LIMD1: variants seen among roughly 807,000 people sequenced by gnomAD.
LIMD1 encodes the protein LIM domain-containing protein 1.
In LIMD1, 23 loss-of-function variants were observed where a neutral mutation model predicts 58.4. That is an observed-to-expected ratio of 0.39 (90% CI 0.28 to 0.56). LIMD1 has a LOEUF of 0.56. Ranked by LOEUF, LIMD1 falls within the 20% of genes least tolerant of loss-of-function variation. The probability of loss-of-function intolerance (pLI) is 0.57; values close to 1 mark genes in which losing one functional copy is unlikely to be tolerated. For missense variants in LIMD1, 838 were observed against 855.5 expected (o/e 0.98, Z 0.25); for synonymous variants, 334 against 345.5 (o/e 0.97, Z 0.37).
At chr3:45,675,661 G>T (rs1323056778) in intron 7 of LIMD1, among the ~76,000 whole-genome samples, 4 of 151,826 alleles carry the variant, frequency 2.6e-5, no homozygotes, top group African/African-American at 9.6e-5. Flanking sequence ...AAGTTTTCTG[G>T]TAGTCACAAT....
In LIMD1 at chr3:45,681,872, A is replaced by T. The variant is rs1338051662; in HGVS notation, c.*4813A>T. On this transcript the variant is annotated 3_prime_UTR_variant, in exon 8 of 8. Coordinates refer to ENST00000273317, the MANE Select transcript of LIMD1 (RefSeq NM_014240.3). ...AGACTTGTAAGGTCCTGATGCAGTG[A>T]CTTGTAAGGTCACTTTGTCTCTCTT... is the stretch of plus-strand genomic sequence containing the variant. 1 of 152,186 alleles carries T rather than the reference A, an allele frequency of 6.6e-6. No individual in the cohort carries two copies. Among genetic ancestry groups the T allele is most frequent in the Non-Finnish European group, 1.5e-5 (1 of 68,030 alleles). The allele number at this position is 152,186 out of a possible 1,614,324, so 9.4% of individuals were successfully genotyped here.
Position 45,595,628 on chromosome 3 carries a change from G to A in LIMD1, c.749G>A (p.Gly250Asp), listed in dbSNP as rs751728725. The A allele has an allele frequency of 1.9e-6, 3 of 1,613,456 alleles. No individual in the cohort carries two copies. Among genetic ancestry groups the A allele is most frequent in the Non-Finnish European group, 2.5e-6 (3 of 1,179,836 alleles). Reference sequence around the variant, plus strand: ...GGTAGCCTCGGTGGTCAGAATAGTGGCATTGGTGGCCGCAGCAGCGAGAAG... The same window carrying A: ...GGTAGCCTCGGTGGTCAGAATAGTGACATTGGTGGCCGCAGCAGCGAGAAG... ...SEGSLGGQNS[G>D]IGGRSSEKPT... The change falls in exon 1 of 8, where the codon GGC becomes GAC. Residue 250 changes from glycine to aspartate, a missense_variant. Physicochemically the swap from Gly to Asp is moderately conservative, Grantham distance 94 (BLOSUM62 -1). Around this residue, in one of 3 missense-constraint regions of LIMD1, gnomAD observed 659 missense variants for 639.8 expected, o/e 1.03. Transcript: ENST00000273317.
rs1701319007 is a variant in LIMD1 at position 45,594,803 on chromosome 3, A to ACACACACACACACACACACAC, written c.-76_-56dup. 4.4e-5 allele frequency: 11 copies of ACACACACACACACACACACAC among 251,032 alleles called. No individual in the cohort carries two copies. Among genetic ancestry groups the ACACACACACACACACACACAC allele is most frequent in the South Asian group, 1.1e-4 (2 of 17,496 alleles). The allele number at this position is 251,032 out of a possible 1,614,324, so 15.6% of individuals were successfully genotyped here. A position where few individuals can be genotyped will look rare whatever the true frequency, so the allele number is the denominator to read the frequency against. On this transcript the variant is annotated 5_prime_UTR_variant, in exon 1 of 8. Coordinates refer to ENST00000273317, the MANE Select transcript of LIMD1 (RefSeq NM_014240.3). ...AACACACACACACACACACACACACACACACACACACACACACACACACAC... is the reference window on the plus strand; with the variant it reads ...AACACACACACACACACACACACACACACACACACACACACACACACCACACACACACACACACACACACAC...
chr3:45,653,907 C>CAAAAAAAAAAAAAAAAAAAA (rs35185922), intron 2 of LIMD1, among the ~76,000 whole-genome samples: 14 of 74,736 alleles, frequency 1.9e-4, no homozygotes, highest in East Asian at 4.1e-4. Context: ...AAGACTGTCT[C>CAAAAAAAAAAAAAAAAAAAA]AAAAAAAAAA....
chr3:45,624,101 T>C (rs982972095), intron 1 of LIMD1, among the ~76,000 whole-genome samples: 2 of 152,192 alleles, frequency 1.3e-5, no homozygotes, highest in African/African-American at 2.4e-5. Context: ...GCAGCAACTT[T>C]TGGCCAAGAA....
At chr3:45,633,310 T>G (rs1268095310) in intron 1 of LIMD1, among the ~76,000 whole-genome samples, 1 of 152,218 alleles carries the variant, frequency 6.6e-6, no homozygotes, top group Non-Finnish European at 1.5e-5. Flanking sequence ...GTTGGAAATA[T>G]TCTATATCTT....
chr3:45,600,439 T>C (rs1207086238), intron 1 of LIMD1, among the ~76,000 whole-genome samples: 7 of 152,178 alleles, frequency 4.6e-5, no homozygotes, highest in African/African-American at 1.7e-4. Flanking sequence ...TTTCCATGGC[T>C]GGTCTTTGTG....
intron 1 of LIMD1, among the ~76,000 whole-genome samples, chr3:45,614,498 G>T (rs1303196232): frequency 1.3e-5 from 2 of 151,860 alleles, no homozygotes; most frequent in Non-Finnish European, 2.9e-5. Context: ...TGAGGCAGGG[G>T]GATTGCTTGA....
chr3:45,599,223 A>G (rs1701386354), intron 1 of LIMD1, among the ~76,000 whole-genome samples: 1 of 152,110 alleles, frequency 6.6e-6, no homozygotes, highest in Non-Finnish European at 1.5e-5. Flanking sequence ...GGTGTTTAAT[A>G]TTAATACATT....
At position 45,677,381 on chromosome 3, in the gene LIMD1, T is replaced by C. The variant is rs1029187702; in HGVS notation, c.*322T>C. On this transcript the variant is annotated 3_prime_UTR_variant, in exon 8 of 8. Transcript: ENST00000273317. ...TCCTGTCCCCTCTGGGAACATTTCA[T>C]GCTTCAGAGGGAGAGGTTTTTATTG... The C allele has an allele frequency of 1.7e-5, 4 of 239,094 alleles. No homozygotes were observed. The highest frequency in any genetic ancestry group is 9.8e-5 in the East Asian group (1 of 10,220). 14.8% of individuals were successfully genotyped at this position (239,094 alleles called of 1,614,324 possible). A position where few individuals can be genotyped will look rare whatever the true frequency, so the allele number is the denominator to read the frequency against.
At chr3:45,646,599 TTTAA>T (rs1701910200) in intron 2 of LIMD1, among the ~76,000 whole-genome samples, 2 of 152,242 alleles carry the variant, frequency 1.3e-5, no homozygotes, top group Admixed American at 6.5e-5. Flanking sequence ...TTTATTTCAT[TTTAA>T]TTAATTAAAG....
chr3:45,629,412 C>CAAAAAAA (rs57306025), intron 1 of LIMD1, among the ~76,000 whole-genome samples: 1 of 97,556 alleles, frequency 1.0e-5, no homozygotes, highest in African/African-American at 3.6e-5. Context: ...ACTCTTGTCT[C>CAAAAAAA]AAAAAAAAAA....
At chr3:45,628,247 G>A (rs923107685) in intron 1 of LIMD1, among the ~76,000 whole-genome samples, 1 of 152,058 alleles carries the variant, frequency 6.6e-6, no homozygotes, top group African/African-American at 2.4e-5. Context: ...TAGTTTGTAG[G>A]ACTCTAGCAA....
chr3:45,668,227 C>T lies in LIMD1; in HGVS notation c.1579-67C>T, dbSNP rs114759907. The T allele has an allele frequency of 3.6e-4, 442 of 1,217,758 alleles. 1 individual carries two copies. In the African/African-American group the frequency reaches 5.8e-3, roughly 16 times the overall value. The allele number at this position is 1,217,758 out of a possible 1,614,324, so 75.4% of individuals were successfully genotyped here. Reference sequence around the variant, plus strand: ...GAGAAATTCCTTATAATCCTCTTGGCTGTTGGGGAAGTGGCTGATTCATCT... The same window carrying T: ...GAGAAATTCCTTATAATCCTCTTGGTTGTTGGGGAAGTGGCTGATTCATCT... On this transcript the variant is annotated intron_variant, in intron 3 of 7. Coordinates refer to ENST00000273317, the MANE Select transcript of LIMD1 (RefSeq NM_014240.3).
chr3:45,608,729 A>G (rs1701492105), intron 1 of LIMD1, among the ~76,000 whole-genome samples: 1 of 151,376 alleles, frequency 6.6e-6, no homozygotes, highest in East Asian at 1.9e-4. Context: ...AGTCCCAGCT[A>G]CTCGGGAGGC....
rs113662220 is a variant in LIMD1 at position 45,682,395 on chromosome 3, T to C, written c.*5336T>C. Reference sequence around the variant, plus strand: ...ATGTAAATATTCCCGCCATGGCCACTTTCCAGCTACCAGCAAGGCATCCTG... The same window carrying C: ...ATGTAAATATTCCCGCCATGGCCACCTTCCAGCTACCAGCAAGGCATCCTG... On this transcript the variant is annotated 3_prime_UTR_variant, in exon 8 of 8. Coordinates refer to ENST00000273317, the MANE Select transcript of LIMD1 (RefSeq NM_014240.3). 1.4e-4 allele frequency: 21 copies of C among 152,382 alleles called. No individual in the cohort carries two copies. Among genetic ancestry groups the C allele is most frequent in the African/African-American group, 5.1e-4 (21 of 41,560 alleles). The allele number at this position is 152,382 out of a possible 1,614,324, so 9.4% of individuals were successfully genotyped here.
At position 45,679,236 on chromosome 3, in the gene LIMD1, C is replaced by G. The variant is rs1051827490; in HGVS notation, c.*2177C>G. The stretch of plus-strand genomic sequence containing the variant: ...GATTGAGGTGATTCAGATAGGTTTG[C>G]GAATATACCATTTTATATTGTTGAG... On this transcript the variant is annotated 3_prime_UTR_variant, in exon 8 of 8. Transcript: ENST00000273317. 6.6e-6 allele frequency: 1 copy of G among 152,166 alleles called. No homozygotes were observed. The highest frequency in any genetic ancestry group is 1.9e-4 in the East Asian group (1 of 5,182). 9.4% of individuals were successfully genotyped at this position (152,166 alleles called of 1,614,324 possible).
At chr3:45,661,063 G>C (rs1050153215) in intron 2 of LIMD1, among the ~76,000 whole-genome samples, 6 of 152,122 alleles carry the variant, frequency 3.9e-5, no homozygotes, top group African/African-American at 1.4e-4. Flanking sequence ...CAGTAACTTT[G>C]AGGGGAGGAC....
rs1559510584 is a variant in LIMD1, at chr3:45,594,799, A to ACACACACACACACACACACACAC, written c.-80_-58dup. 492 of 145,136 alleles carry ACACACACACACACACACACACAC rather than the reference A, an allele frequency of 3.4e-3. 3 individuals are homozygous for ACACACACACACACACACACACAC. Among genetic ancestry groups the ACACACACACACACACACACACAC allele is most frequent in the Non-Finnish European group, 3.4e-3 (287 of 84,476 alleles). 9.0% of individuals were successfully genotyped at this position (145,136 alleles called of 1,614,324 possible). A position where few individuals can be genotyped will look rare whatever the true frequency, so the allele number is the denominator to read the frequency against. On this transcript the variant is annotated 5_prime_UTR_variant, in exon 1 of 8. Transcript: ENST00000273317. ...CCTCAACACACACACACACACACACACACACACACACACACACACACACAC... is the reference window on the plus strand; with the variant it reads ...CCTCAACACACACACACACACACACACACACACACACACACACACACACCACACACACACACACACACACACAC...
Sources: gnomAD v4.1 joint callset for allele counts (sites outside exome capture counted in the v4.1 genomes callset) on GRCh38, gnomAD v4.1.1 for gene constraint, gnomAD v4.1.1 regional missense constraint, MANE v1.5 for transcripts, NCBI Gene and HGNC (gene_info 2026-07-23, HGNC 2026-07-21) for gene names.